Variants in PTDSS1 observed in about 807,000 individuals in gnomAD.
The protein encoded by PTDSS1 is phosphatidylserine synthase 1.
A neutral mutation model predicts 70.5 loss-of-function variants in PTDSS1; 45 were observed. The observed-to-expected ratio is 0.64, with a 90% CI of 0.50 to 0.82. The LOEUF is 0.82. Ranked by LOEUF, PTDSS1 falls within the 40% of genes least tolerant of loss-of-function variation. The pLI is 0.00. For synonymous variants in PTDSS1, 188 were observed against 203.8 expected (o/e 0.92, Z 0.66); for missense variants, 417 against 586.1 (o/e 0.71, Z 2.98).
chr8:96,299,546 T>C lies in PTDSS1; in HGVS notation c.601-148T>C, dbSNP rs1426503713. 4 of 811,998 alleles carry C rather than the reference T, an allele frequency of 4.9e-6. 1 individual carries two copies. In the East Asian group the frequency reaches 1.1e-4, roughly 22 times the overall value. The allele number at this position is 811,998 out of a possible 1,614,324, so 50.3% of individuals were successfully genotyped here. A position where few individuals can be genotyped will look rare whatever the true frequency, so the allele number is the denominator to read the frequency against. On this transcript the variant is annotated intron_variant, in intron 5 of 12. Coordinates refer to ENST00000517309, the MANE Select transcript of PTDSS1 (RefSeq NM_014754.3). ...ACAAGAAACAGATTGCAGAACCTGT[T>C]ACTGTTGGTTATTTTCTGTACATTA...
chr8:96,313,734 T>C (rs913432814), intron 9 of PTDSS1, among the ~76,000 whole-genome samples: 1 of 152,196 alleles, frequency 6.6e-6, no homozygotes, highest in Non-Finnish European at 1.5e-5. Flanking sequence ...ACCAGTTTCC[T>C]CGCTGCCTGT....
At chr8:96,317,013 A>ATGTG (rs1346915669) in intron 9 of PTDSS1, among the ~76,000 whole-genome samples, 2 of 143,302 alleles carry the variant, frequency 1.4e-5, no homozygotes, top group East Asian at 4.1e-4. Flanking sequence ...ATATATATGT[A>ATGTG]TGTGTATATA....
chr8:96,320,227 C>G lies in PTDSS1; in HGVS notation c.1074-19C>G, dbSNP rs1228131871. ...GGTAAGATGGATTAATACTTAACCT[C>G]TGTTCTCTGTCTAATTAGGGTCATT... On this transcript the variant is annotated intron_variant, in intron 9 of 12. Transcript: ENST00000517309. The G allele has an allele frequency of 9.6e-6, 15 of 1,556,018 alleles. 1 individual carries two copies. In the South Asian group the frequency reaches 1.6e-4, roughly 16 times the overall value.
intron 9 of PTDSS1, among the ~76,000 whole-genome samples, chr8:96,318,286 T>C (rs899755831): frequency 3.3e-5 from 5 of 151,568 alleles, no homozygotes; most frequent in African/African-American, 1.2e-4. Context: ...ATTGCACCAC[T>C]GCACTCCAGC....
intron 9 of PTDSS1, among the ~76,000 whole-genome samples, chr8:96,314,871 C>T (rs946151475): frequency 2.0e-5 from 3 of 152,198 alleles, no homozygotes; most frequent in Non-Finnish European, 2.9e-5. Context: ...GCTGGGATTA[C>T]AGGCGTGAGC....
At chr8:96,301,401 C>A (rs1047198262) in intron 6 of PTDSS1, among the ~76,000 whole-genome samples, 5 of 152,054 alleles carry the variant, frequency 3.3e-5, no homozygotes, top group African/African-American at 9.7e-5. Context: ...AGCCTGTCAT[C>A]CCCTTTTAAA....
rs770953116 is a variant in PTDSS1 at position 96,333,554 on chromosome 8, TG to T, written c.1412del (p.Gly471GlufsTer50). 1.9e-6 allele frequency: 3 copies of T among 1,607,910 alleles called. No individual in the cohort carries two copies. The highest frequency in any genetic ancestry group is 1.7e-6 in the Non-Finnish European group (2 of 1,174,380). ...CCAAGTCAAAAGTCACCAATGGCGT[TG>T]GAAAGAAATGAAAAACCCTGGTTAA... is the stretch of plus-strand genomic sequence containing the variant. Reference protein sequence around the residue: ...HSKSKVTNGVGKK With the variant: ...HSKSKVTNGVXKK On this transcript the variant is annotated frameshift_variant, in exon 13 of 13. Coordinates refer to ENST00000517309, the MANE Select transcript of PTDSS1 (RefSeq NM_014754.3). LOFTEE classifies it high-confidence loss of function.
intron 2 of PTDSS1, among the ~76,000 whole-genome samples, chr8:96,283,395 T>C (rs1810771644): frequency 1.3e-5 from 2 of 152,184 alleles, no homozygotes; most frequent in Non-Finnish European, 2.9e-5. Flanking sequence ...TGCTTTCTTC[T>C]CCCTCTTCTG....
In PTDSS1 at chr8:96,262,578, C is replaced by A. The variant is rs1213543640; in HGVS notation, c.179+359C>A. 6.6e-6 allele frequency among the ~76,000 whole-genome samples: 1 copy of A among 152,158 alleles called. No homozygotes were observed. Among genetic ancestry groups the A allele is most frequent in the African/African-American group, 2.4e-5 (1 of 41,430 alleles). ...CACTGCTCCAGCCTTCGTCCCTACC[C>A]AGCACACCGCATGAATCATGTCGTA... On this transcript the variant is annotated intron_variant, in intron 1 of 12. Transcript: ENST00000517309. The surrounding 1 kb of genome is among the most constrained non-coding windows in gnomAD (Gnocchi z 4.4).
chr8:96,294,649 C>T (rs1002577890), intron 4 of PTDSS1, among the ~76,000 whole-genome samples: 4 of 151,810 alleles, frequency 2.6e-5, no homozygotes, highest in South Asian at 2.1e-4. Flanking sequence ...GGTGTATTTT[C>T]GTTATCATTA....
At chr8:96,295,927 G>A (rs922214220) in intron 5 of PTDSS1, among the ~76,000 whole-genome samples, 2 of 151,958 alleles carry the variant, frequency 1.3e-5, no homozygotes, top group Admixed American at 6.6e-5. Context: ...CTGTTAATGT[G>A]CCTCTCACTG....
intron 9 of PTDSS1, among the ~76,000 whole-genome samples, chr8:96,311,107 G>A (rs1563578400): frequency 6.6e-6 from 1 of 152,178 alleles, no homozygotes; most frequent in Non-Finnish European, 1.5e-5. Flanking sequence ...TGATGAGAAA[G>A]AGACCTTAGG....
intron 1 of PTDSS1, among the ~76,000 whole-genome samples, chr8:96,270,819 C>T (rs901580839): frequency 6.6e-6 from 1 of 152,142 alleles, no homozygotes; most frequent in African/African-American, 2.4e-5. Flanking sequence ...TTTCCCACCT[C>T]TGAAACTAGG....
At chr8:96,297,232 G>T (rs1224012375) in intron 5 of PTDSS1, among the ~76,000 whole-genome samples, 3 of 152,120 alleles carry the variant, frequency 2.0e-5, no homozygotes, top group Non-Finnish European at 2.9e-5. Context: ...AGGCTGGAAT[G>T]CAGTGGTGCG....
At chr8:96,326,090 G>A (rs182822632) in intron 10 of PTDSS1, among the ~76,000 whole-genome samples, 24 of 152,240 alleles carry the variant, frequency 1.6e-4, no homozygotes, top group African/African-American at 5.1e-4. Flanking sequence ...ATCTGCCCAC[G>A]TGTACTCTAT....
At chr8:96,281,918 C>T (rs1448929565) in intron 2 of PTDSS1, among the ~76,000 whole-genome samples, 1 of 152,154 alleles carries the variant, frequency 6.6e-6, no homozygotes, top group Non-Finnish European at 1.5e-5. Context: ...GTCCTTATGA[C>T]ACTGTGTGGG....
chr8:96,267,822 A>C (rs1024663902), intron 1 of PTDSS1, among the ~76,000 whole-genome samples: 2 of 152,138 alleles, frequency 1.3e-5, no homozygotes, highest in Non-Finnish European at 2.9e-5. Context: ...AGGCCCCGGC[A>C]GCTCACGTGT....
chr8:96,300,897 T>C (rs1479923185), intron 6 of PTDSS1, among the ~76,000 whole-genome samples: 1 of 152,108 alleles, frequency 6.6e-6, no homozygotes, highest in Non-Finnish European at 1.5e-5. Flanking sequence ...TTCTTAGAAA[T>C]AGAGTGTACC....
chr8:96,303,520 A>AGG (rs1811079005), intron 6 of PTDSS1, among the ~76,000 whole-genome samples: 1 of 152,136 alleles, frequency 6.6e-6, no homozygotes, highest in African/African-American at 2.4e-5. Context: ...TAGTACAGGG[A>AGG]GGGCTGGAAT....
Sources: allele counts gnomAD v4.1 joint callset (sites outside exome capture counted in the v4.1 genomes callset), GRCh38; gene constraint gnomAD v4.1.1; non-coding constraint Gnocchi (gnomAD v3.1); transcripts MANE v1.5; gene names NCBI Gene and HGNC (gene_info 2026-07-23, HGNC 2026-07-21).